TTBK2: variants seen among roughly 807,000 people sequenced by gnomAD.
TTBK2 encodes the protein tau tubulin kinase 2.
In TTBK2, 28 loss-of-function variants were observed where a neutral mutation model predicts 110.8. The ratio of observed to expected loss-of-function variants is 0.25; its 90% CI spans 0.19 to 0.35. The LOEUF is 0.35. Among genes scored for constraint, TTBK2 ranks in the 10% least tolerant of loss-of-function variants. The pLI is 1.00. For synonymous variants in TTBK2, 532 were observed against 527.3 expected (o/e 1.01, Z -0.12); for missense variants, 1,369 against 1,500.3 (o/e 0.91, Z 1.45).
chr15:42,824,189 G>A (rs916533143), intron 6 of TTBK2, among the ~76,000 whole-genome samples: 4 of 152,110 alleles, frequency 2.6e-5, no homozygotes, highest in Non-Finnish European at 5.9e-5. Context: ...TGCCCATTAG[G>A]CCTCACTTCC....
At chr15:42,822,266 T>C (rs1892337985) in intron 6 of TTBK2, among the ~76,000 whole-genome samples, 1 of 152,164 alleles carries the variant, frequency 6.6e-6, no homozygotes, top group Admixed American at 6.5e-5. Flanking sequence ...GTATAAGTGT[T>C]TAGTTTTGAT....
At chr15:42,794,910 T>C (rs1890867557) in intron 9 of TTBK2, 109 bp from the exon 10 acceptor site, 5 of 1,464,232 alleles carry the variant, frequency 3.4e-6, no homozygotes, top group Non-Finnish European at 4.7e-6. Flanking sequence ...TGTGATTTTC[T>C]TTAAAAACTG....
Position 42,745,465 on chromosome 15 carries a change from C to A in TTBK2, c.*330G>T. The stretch of plus-strand genomic sequence containing the variant: ...TTGAGGCTTAAAAAAATTAGGCAAC[C>A]CCCCTAAAATTCCATTCTATCTCCT... On this transcript the variant is annotated 3_prime_UTR_variant, in exon 15 of 15. Coordinates refer to ENST00000267890, the MANE Select transcript of TTBK2 (RefSeq NM_173500.4). 6.7e-6 allele frequency: 2 copies of A among 296,912 alleles called. No homozygotes were observed. The highest frequency in any genetic ancestry group is 4.3e-5 in the South Asian group (1 of 23,228). 18.4% of individuals were successfully genotyped at this position (296,912 alleles called of 1,614,324 possible). A position where few individuals can be genotyped will look rare whatever the true frequency, so the allele number is the denominator to read the frequency against.
At chr15:42,837,394 AC>A (rs1893033528) in intron 4 of TTBK2, among the ~76,000 whole-genome samples, 1 of 150,602 alleles carries the variant, frequency 6.6e-6, no homozygotes, top group African/African-American at 2.4e-5. Flanking sequence ...ATGGTGGCTT[AC>A]GCCTGTAATC....
At chr15:42,843,830 A>C (rs1158260103) in intron 3 of TTBK2, among the ~76,000 whole-genome samples, 1 of 151,992 alleles carries the variant, frequency 6.6e-6, no homozygotes, top group East Asian at 1.9e-4. Context: ...GCTATTGTGA[A>C]ACCTAAGACT....
chr15:42,897,003 C>T (rs763881836), intron 1 of TTBK2, among the ~76,000 whole-genome samples: 18 of 151,940 alleles, frequency 1.2e-4, no homozygotes, highest in African/African-American at 3.1e-4. Context: ...CTCAGCCTCC[C>T]GGGTACCTGG....
intron 6 of TTBK2, 143 bp from the exon 7 acceptor site, chr15:42,817,240 A>C: frequency 2.1e-6 from 1 of 469,284 alleles, no homozygotes; most frequent in South Asian, 3.6e-5. Flanking sequence ...TTAACTATGA[A>C]ATTACAAGAA....
At chr15:42,782,621 G>A (rs1442094853) in intron 11 of TTBK2, among the ~76,000 whole-genome samples, 1 of 152,196 alleles carries the variant, frequency 6.6e-6, no homozygotes, top group Admixed American at 6.5e-5. Context: ...TTAGCTTAAT[G>A]CTTTATCCAG....
intron 9 of TTBK2, chr15:42,798,324 C>T (rs1891035541): frequency 2.2e-6 from 1 of 456,078 alleles, no homozygotes; most frequent in South Asian, 1.5e-5. Context: ...GATTCCAACG[C>T]TTCCCTCTAA....
intron 13 of TTBK2, among the ~76,000 whole-genome samples, chr15:42,771,332 T>C (rs895134101): frequency 6.6e-6 from 1 of 152,164 alleles, no homozygotes; most frequent in African/African-American, 2.4e-5. Flanking sequence ...AAAAAATTAG[T>C]TGAGAAAATA....
chr15:42,800,428 T>C, intron 9 of TTBK2: 1 of 297,068 alleles, frequency 3.4e-6, no homozygotes, highest in Non-Finnish European at 6.5e-6. Context: ...AATAACTGTA[T>C]CATATTTACC....
Position 42,775,355 on chromosome 15 carries a change from G to A in TTBK2, c.1778C>T (p.Pro593Leu). 1 of 1,614,194 alleles carries A rather than the reference G, an allele frequency of 6.2e-7. No individual in the cohort carries two copies. Among genetic ancestry groups the A allele is most frequent in the Non-Finnish European group, 8.5e-7 (1 of 1,180,030 alleles). Residue 593 changes from proline (P) to leucine (L), a missense_variant, in exon 13 of 15, where the codon CCT becomes CTT. Around this residue, in one of 4 missense-constraint regions of TTBK2, gnomAD observed 1,097 missense variants for 1,114.7 expected, o/e 0.98. Coordinates refer to ENST00000267890, the MANE Select transcript of TTBK2 (RefSeq NM_173500.4). ...PEVLQVLEAS[P>L]QDEKLQLGPW... ...ACCTAACTGGAGCTTTTCATCTTGA[G>A]GTGATGCCTCCAGGACTTGAAGTAC...
rs1483845702 is a variant in TTBK2, at chr15:42,785,197, G to A, written c.981-1562C>T. Among the ~76,000 whole-genome samples the A allele has an allele frequency of 2.1e-5, 3 of 139,918 alleles. No individual in the cohort carries two copies. The East Asian group carries it at 6.2e-4, about 29-fold the overall frequency. 91.8% of individuals were successfully genotyped at this position (139,918 alleles called of 152,430 possible). A position where few individuals can be genotyped will look rare whatever the true frequency, so the allele number is the denominator to read the frequency against. ...TGCAGTGGCATAATCTCTGCTCACT[G>A]CAACCTCCGCCCCCGGGGTTCAAGC... is the stretch of plus-strand genomic sequence containing the variant. On this transcript the variant is annotated intron_variant, in intron 10 of 14. Transcript: ENST00000267890.
chr15:42,900,760 G>A (rs755769077), intron 1 of TTBK2, among the ~76,000 whole-genome samples: 3 of 152,036 alleles, frequency 2.0e-5, no homozygotes, highest in Non-Finnish European at 4.4e-5. Context: ...TATGTAGTAT[G>A]GTTATTTTCT....
At chr15:42,909,971 C>T (rs2030653489) in intron 1 of TTBK2, among the ~76,000 whole-genome samples, 1 of 152,104 alleles carries the variant, frequency 6.6e-6, no homozygotes, top group Non-Finnish European at 1.5e-5. Context: ...GCCTAAACAA[C>T]ACAGGGAGAT....
intron 1 of TTBK2, among the ~76,000 whole-genome samples, chr15:42,896,029 A>T (rs1488344714): frequency 6.6e-6 from 1 of 152,160 alleles, no homozygotes; most frequent in African/African-American, 2.4e-5. Context: ...AAGGCAATTC[A>T]ACACAGAAAA....
chr15:42,838,471 T>C (rs966253582), intron 4 of TTBK2, among the ~76,000 whole-genome samples: 4 of 152,024 alleles, frequency 2.6e-5, no homozygotes, highest in African/African-American at 9.7e-5. Context: ...AATATTCCTT[T>C]TCTGAATTTC....
chr15:42,806,263 C>G (rs1373575320), intron 9 of TTBK2, among the ~76,000 whole-genome samples: 1 of 152,090 alleles, frequency 6.6e-6, no homozygotes, highest in Non-Finnish European at 1.5e-5. Flanking sequence ...GACTATGTCT[C>G]AAAAAACAAA....
intron 13 of TTBK2, among the ~76,000 whole-genome samples, chr15:42,756,377 G>C (rs2061947020): frequency 6.6e-6 from 1 of 152,046 alleles, no homozygotes; most frequent in African/African-American, 2.4e-5. Context: ...TCTGAAGTCA[G>C]GAGTTCAAGA....
Sources: gnomAD v4.1 joint callset for allele counts (sites outside exome capture counted in the v4.1 genomes callset) on GRCh38, gnomAD v4.1.1 for gene constraint, gnomAD v4.1.1 regional missense constraint, MANE v1.5 for transcripts, NCBI Gene and HGNC (gene_info 2026-07-23, HGNC 2026-07-21) for gene names.